PTPRT: variants seen among roughly 807,000 people sequenced by gnomAD.
PTPRT encodes the protein receptor-type tyrosine-protein phosphatase T.
PTPRT carries 56 observed loss-of-function variants against 176.8 expected under a neutral mutation model. That is an observed-to-expected ratio of 0.32 (90% CI 0.26 to 0.40). PTPRT has a LOEUF of 0.40. Ranked by LOEUF, PTPRT falls within the 10% of genes least tolerant of loss-of-function variation. The pLI, the probability that PTPRT is intolerant of heterozygous loss-of-function variation, is 1.00. For synonymous variants in PTPRT, 783 were observed against 739.0 expected, an observed-to-expected ratio of 1.06 and a Z score of -0.96; for missense variants, 1,540 against 1,908.2, an observed-to-expected ratio of 0.81 and a Z score of 3.60.
intron 2 of PTPRT, 117 bp from the exon 3 acceptor site, chr20:42,791,583 C>T (rs1292525413): frequency 5.1e-6 from 6 of 1,185,410 alleles, no homozygotes; most frequent in African/African-American, 1.5e-5. Flanking sequence ...GATCAAGTCA[C>T]TCTAGAAGGG....
At chr20:43,099,756 A>G (rs1471665503) in intron 1 of PTPRT, among the ~76,000 whole-genome samples, 2 of 151,776 alleles carry the variant, frequency 1.3e-5, no homozygotes, top group Admixed American at 6.6e-5. Context: ...TATCCAGGAC[A>G]CTCTCTGATG....
chr20:42,385,782 C>T (rs1285392139), intron 9 of PTPRT, among the ~76,000 whole-genome samples: 2 of 152,172 alleles, frequency 1.3e-5, no homozygotes, highest in South Asian at 4.1e-4. Flanking sequence ...ATCAGCTCTA[C>T]TAATTCACTA....
rs71193651 is a variant in PTPRT at position 42,212,318 on chromosome 20, CA to C, written c.2343-12931del. 1.4e-3 allele frequency among the ~76,000 whole-genome samples: 146 copies of C among 106,906 alleles called. 1 individual carries two copies. Among genetic ancestry groups the C allele is most frequent in the African/African-American group, 2.6e-3 (70 of 26,842 alleles). 70.1% of individuals were successfully genotyped at this position (106,906 alleles called of 152,430 possible). On this transcript the variant is annotated intron_variant, in intron 15 of 30. Transcript: ENST00000373187. ...TTAAAGTATAAAAAAAAAAAAAAGA[CA>C]AAAAAAAAAAAAGAGTTCAATGTGT...
At chr20:43,139,256 C>T (rs899290731) in intron 1 of PTPRT, among the ~76,000 whole-genome samples, 1 of 152,180 alleles carries the variant, frequency 6.6e-6, no homozygotes, top group African/African-American at 2.4e-5. Context: ...TCTCCCCACT[C>T]GATTGTTGTT....
intron 27 of PTPRT, among the ~76,000 whole-genome samples, chr20:42,090,007 T>G (rs1366612215): frequency 6.6e-6 from 1 of 152,120 alleles, no homozygotes; most frequent in South Asian, 2.1e-4. Flanking sequence ...GGTGCGAAAA[T>G]GCATTGGGGT....
chr20:42,539,360 A>ATT (rs1568961070), intron 7 of PTPRT, among the ~76,000 whole-genome samples: 4 of 132,712 alleles, frequency 3.0e-5, no homozygotes, highest in African/African-American at 1.2e-4. Context: ...GATCACCATC[A>ATT]CTTTTTTTTT....
In PTPRT at chr20:42,079,151, G is replaced by A. The variant is rs1162439464; in HGVS notation, c.*1728C>T. 1 of 195,554 alleles carries A rather than the reference G, an allele frequency of 5.1e-6. No individual in the cohort carries two copies. The highest frequency in any genetic ancestry group is 1.1e-5 in the Non-Finnish European group (1 of 94,038). 12.1% of individuals were successfully genotyped at this position (195,554 alleles called of 1,614,324 possible). A position where few individuals can be genotyped will look rare whatever the true frequency, so the allele number is the denominator to read the frequency against. ...GTCCATTCATAGCCTGAAGGAACAGGGAATTGTTTTTACTGACTAAGAAAT... is the reference window on the plus strand; with the variant it reads ...GTCCATTCATAGCCTGAAGGAACAGAGAATTGTTTTTACTGACTAAGAAAT... On this transcript the variant is annotated 3_prime_UTR_variant, in exon 31 of 31. Transcript: ENST00000373187.
At chr20:42,602,254 C>A (rs1469775147) in intron 7 of PTPRT, among the ~76,000 whole-genome samples, 1 of 152,122 alleles carries the variant, frequency 6.6e-6, no homozygotes, top group Non-Finnish European at 1.5e-5. Flanking sequence ...CACCACTTTC[C>A]TGCAAAGTCA....
chr20:42,151,728 CTT>C (rs1989141278), intron 17 of PTPRT, among the ~76,000 whole-genome samples: 1 of 152,192 alleles, frequency 6.6e-6, no homozygotes, highest in Non-Finnish European at 1.5e-5. Context: ...GCCACACTGT[CTT>C]TCACAATGGT....
intron 1 of PTPRT, among the ~76,000 whole-genome samples, chr20:43,125,569 G>A (rs979909409): frequency 6.6e-6 from 1 of 152,148 alleles, no homozygotes; most frequent in East Asian, 1.9e-4. Flanking sequence ...CTTGGCTTGA[G>A]CAAAACTTGT....
chr20:42,564,253 A>G (rs1414682932), intron 7 of PTPRT, among the ~76,000 whole-genome samples: 1 of 152,210 alleles, frequency 6.6e-6, no homozygotes, highest in East Asian at 1.9e-4. Context: ...TTTGGGATCA[A>G]CTTTGCTTTC....
intron 16 of PTPRT, among the ~76,000 whole-genome samples, chr20:42,198,062 G>A (rs1991302311): frequency 6.6e-6 from 1 of 152,106 alleles, no homozygotes; most frequent in African/African-American, 2.4e-5. Context: ...ATAAGGTGTG[G>A]GGTCCAGATA....
rs114041356 is a variant in PTPRT at position 43,121,254 on chromosome 20, C to T, written c.88+68392G>A. Among the ~76,000 whole-genome samples the T allele has an allele frequency of 3.1e-3, 469 of 152,332 alleles. 3 individuals are homozygous for T. The highest frequency in any genetic ancestry group is 0.011 in the African/African-American group (457 of 41,570). ...AATATATCACAATTTATCCATTCTACTATGGGCTTTGGGGTTGTTTCCAGT... is the reference window on the plus strand; with the variant it reads ...AATATATCACAATTTATCCATTCTATTATGGGCTTTGGGGTTGTTTCCAGT... On this transcript the variant is annotated intron_variant, in intron 1 of 30. Transcript: ENST00000373187.
intron 1 of PTPRT, among the ~76,000 whole-genome samples, chr20:42,890,519 G>T (rs1423386302): frequency 6.6e-6 from 1 of 152,130 alleles, no homozygotes; most frequent in African/African-American, 2.4e-5. Flanking sequence ...GAAAGAACTG[G>T]AACTCTCAGA....
intron 9 of PTPRT, among the ~76,000 whole-genome samples, chr20:42,382,346 T>C (rs1326529378): frequency 2.0e-5 from 3 of 152,200 alleles, no homozygotes; most frequent in Non-Finnish European, 2.9e-5. Context: ...GCTCTTCTCT[T>C]TCCCTGGACT....
chr20:42,446,815 G>A (rs146353172), intron 9 of PTPRT, among the ~76,000 whole-genome samples: 33 of 152,178 alleles, frequency 2.2e-4, no homozygotes, highest in East Asian at 1.4e-3. Context: ...TCTCCCAAGC[G>A]TGTGGCCTGA....
At chr20:42,608,132 G>A (rs1017321858) in intron 7 of PTPRT, among the ~76,000 whole-genome samples, 3 of 152,104 alleles carry the variant, frequency 2.0e-5, no homozygotes, top group Non-Finnish European at 4.4e-5. Flanking sequence ...CAGACTCCAG[G>A]CTCCAAGGCC....
At chr20:42,128,584 G>T (rs575921555) in intron 19 of PTPRT, among the ~76,000 whole-genome samples, 170 bp downstream of exon 19, 1 of 152,204 alleles carries the variant, frequency 6.6e-6, no homozygotes, top group East Asian at 1.9e-4. Flanking sequence ...TAGCCTGAAA[G>T]TGGATGCAGT....
rs1399448903 is a variant in PTPRT, at chr20:42,142,087, C to A, written c.2683-85G>T. 5.3e-6 allele frequency: 6 copies of A among 1,132,426 alleles called. No homozygotes were observed. In the African/African-American group the frequency reaches 7.6e-5, roughly 14 times the overall value. 70.1% of individuals were successfully genotyped at this position (1,132,426 alleles called of 1,614,324 possible). On this transcript the variant is annotated intron_variant, in intron 17 of 30. Coordinates refer to ENST00000373187, the MANE Select transcript of PTPRT (RefSeq NM_007050.6). The stretch of plus-strand genomic sequence containing the variant: ...GATGAACCAACAGGGCAAAGTAAGA[C>A]CCACTGCGATGGGACTCCTAGTGGA...
Sources: allele counts gnomAD v4.1 joint callset (sites outside exome capture counted in the v4.1 genomes callset), GRCh38; gene constraint gnomAD v4.1.1; transcripts MANE v1.5; gene names NCBI Gene and HGNC (gene_info 2026-07-23, HGNC 2026-07-21).